DDX43: variants seen among roughly 807,000 people sequenced by gnomAD.
The protein encoded by DDX43 is probable ATP-dependent RNA helicase DDX43.
DDX43 carries 50 observed loss-of-function variants against 84.9 expected under a neutral mutation model. The observed-to-expected ratio is 0.59, with a 90% CI of 0.47 to 0.75. The LOEUF is 0.75. Ranked by LOEUF, DDX43 falls within the 30% of genes least tolerant of loss-of-function variation. DDX43 has a pLI of 0.00. For synonymous variants in DDX43, 291 were observed against 266.3 expected, an observed-to-expected ratio of 1.09 and a Z score of -0.90; for missense variants, 689 against 798.6, an observed-to-expected ratio of 0.86 and a Z score of 1.65.
intron 2 of DDX43, chr6:73,398,002 G>T: frequency 3.7e-6 from 1 of 271,214 alleles, no homozygotes; most frequent in Non-Finnish European, 6.9e-6. Context: ...AGTAGAGACG[G>T]GGTTTTACCG....
chr6:73,412,171 A>G (rs372114480), intron 10 of DDX43, 34 bp from the exon 11 acceptor site: 9 of 1,563,328 alleles, frequency 5.8e-6, no homozygotes, highest in East Asian at 2.2e-5. Flanking sequence ...TGTTTTTACA[A>G]CAAAATTGTA....
intron 11 of DDX43, among the ~76,000 whole-genome samples, chr6:73,413,219 T>C (rs1238535619): frequency 5.3e-5 from 8 of 152,220 alleles, no homozygotes; most frequent in Admixed American, 5.2e-4. Flanking sequence ...TTTTGCTTAA[T>C]CATTAATAAA....
intron 4 of DDX43, 135 bp downstream of exon 4, chr6:73,402,125 T>A (rs1220860287): frequency 6.3e-5 from 70 of 1,103,146 alleles, no homozygotes; most frequent in Non-Finnish European, 8.7e-5. Flanking sequence ...CTGCAATTAG[T>A]CCCTAGGTTA....
intron 9 of DDX43, among the ~76,000 whole-genome samples, chr6:73,408,456 ATTATT>A (rs1442177351): frequency 6.6e-6 from 1 of 152,074 alleles, no homozygotes; most frequent in African/African-American, 2.4e-5. Context: ...TGACTGAACT[ATTATT>A]TTATTTCTCT....
Position 73,405,854 on chromosome 6 carries a change from C to A in DDX43, c.807+19C>A. 2 of 1,606,896 alleles carry A rather than the reference C, an allele frequency of 1.2e-6. No individual in the cohort carries two copies. The highest frequency in any genetic ancestry group is 1.1e-5 in the South Asian group (1 of 90,252). Reference sequence around the variant, plus strand: ...TATTCAGGTATGCTTTCATTAATTACAATATTTCACTCAATGTTTTTCTTC... The same window carrying A: ...TATTCAGGTATGCTTTCATTAATTAAAATATTTCACTCAATGTTTTTCTTC... On this transcript the variant is annotated intron_variant, in intron 6 of 16. Transcript: ENST00000370336.
At chr6:73,411,591 A>G (rs1209017950) in intron 10 of DDX43, among the ~76,000 whole-genome samples, 1 of 152,094 alleles carries the variant, frequency 6.6e-6, no homozygotes, top group Non-Finnish European at 1.5e-5. Context: ...CAGCCTCGCA[A>G]AGTGCTGGGA....
In DDX43 at chr6:73,408,051, A is replaced by T; in HGVS notation, c.1129A>T (p.Asn377Tyr). ...CATAATTGCAACTCCCGGAAGATTG[A>T]ATGATCTGCAAATGAGTAACTTCGT... The part of the protein sequence containing the change: ...DIIIATPGRL[N>Y]DLQMSNFVNL... The change falls in exon 9 of 17, where the codon AAT becomes TAT. Residue 377 changes from asparagine (N) to tyrosine (Y), a missense_variant. Asn to Tyr is a moderately radical substitution (Grantham distance 143, BLOSUM62 -2). Transcript: ENST00000370336. 1 of 1,614,000 alleles carries T rather than the reference A, an allele frequency of 6.2e-7. No individual in the cohort carries two copies. Among genetic ancestry groups the T allele is most frequent in the Non-Finnish European group, 8.5e-7 (1 of 1,179,922 alleles).
At chr6:73,395,254 C>T in intron 1 of DDX43, 99 bp downstream of exon 1, 1 of 1,399,776 alleles carries the variant, frequency 7.1e-7, no homozygotes. Context: ...CAATCAGCTG[C>T]CACCTAGTGA....
intron 1 of DDX43, among the ~76,000 whole-genome samples, chr6:73,397,464 GA>G (rs1769494304): frequency 6.6e-6 from 1 of 152,144 alleles, no homozygotes; most frequent in Non-Finnish European, 1.5e-5. Flanking sequence ...TGTGCAAGCT[GA>G]TACAGAATCC....
chr6:73,408,639 C>G (rs1360143925), intron 9 of DDX43, among the ~76,000 whole-genome samples: 1 of 151,878 alleles, frequency 6.6e-6, no homozygotes, highest in Non-Finnish European at 1.5e-5. Context: ...TCACTGCAAC[C>G]TTCGCCTCCC....
At chr6:73,415,197 C>G (rs1328500737) in intron 14 of DDX43, among the ~76,000 whole-genome samples, 1 of 152,052 alleles carries the variant, frequency 6.6e-6, no homozygotes, top group South Asian at 2.1e-4. Context: ...ACTCGGGAGG[C>G]TGAGGCAGGA....
intron 1 of DDX43, among the ~76,000 whole-genome samples, chr6:73,395,515 G>A (rs1489488822): frequency 6.6e-6 from 1 of 151,944 alleles, no homozygotes; most frequent in Non-Finnish European, 1.5e-5. Context: ...TCCGGAGGCT[G>A]AGGCAGGAGA....
At chr6:73,415,045 C>T (rs892493236) in intron 14 of DDX43, among the ~76,000 whole-genome samples, 2 of 152,154 alleles carry the variant, frequency 1.3e-5, no homozygotes, top group African/African-American at 2.4e-5. Context: ...CGTCTGTAAT[C>T]CTAGCACTTT....
At chr6:73,411,695 G>A (rs1769787064) in intron 10 of DDX43, among the ~76,000 whole-genome samples, 1 of 151,906 alleles carries the variant, frequency 6.6e-6, no homozygotes, top group South Asian at 2.1e-4. Context: ...TAAAAACCTA[G>A]TATTTATTTA....
intron 13 of DDX43, 131 bp downstream of exon 13, chr6:73,414,210 A>C: frequency 1.6e-6 from 1 of 628,508 alleles, no homozygotes; most frequent in Non-Finnish European, 2.8e-6. Context: ...CTACAACTAC[A>C]CTCATTAGAG....
At chr6:73,416,391 C>T in intron 16 of DDX43, 140 bp downstream of exon 16, 1 of 521,570 alleles carries the variant, frequency 1.9e-6, no homozygotes, top group Non-Finnish European at 3.5e-6. Flanking sequence ...TTACTTAATC[C>T]TTCTGGGTAT....
chr6:73,398,036 C>G (rs1769505244), intron 2 of DDX43: 1 of 218,920 alleles, frequency 4.6e-6, no homozygotes, highest in South Asian at 1.1e-4. Flanking sequence ...GCTCTCAACT[C>G]CTGGCCTCAA....
chr6:73,414,878 T>G (rs1769871645), intron 14 of DDX43, among the ~76,000 whole-genome samples, 192 bp downstream of exon 14: 1 of 152,190 alleles, frequency 6.6e-6, no homozygotes, highest in Admixed American at 6.5e-5. Context: ...CATCCATGAT[T>G]AGCTTCTTAT....
intron 16 of DDX43, among the ~76,000 whole-genome samples, 170 bp downstream of exon 16, chr6:73,416,421 C>A (rs1030015167): frequency 4.6e-5 from 7 of 152,088 alleles, no homozygotes; most frequent in Non-Finnish European, 1.0e-4. Context: ...AGAATGAAAG[C>A]CAGGTCTTTT....
Sources: gnomAD v4.1 joint callset for allele counts (sites outside exome capture counted in the v4.1 genomes callset) on GRCh38, gnomAD v4.1.1 for gene constraint, MANE v1.5 for transcripts, NCBI Gene and HGNC (gene_info 2026-07-23, HGNC 2026-07-21) for gene names.